SMURF1: variants seen among roughly 807,000 people sequenced by gnomAD.
SMURF1 encodes the protein E3 ubiquitin-protein ligase SMURF1.
In SMURF1, 44 loss-of-function variants were observed where a neutral mutation model predicts 98.0. The ratio of observed to expected loss-of-function variants is 0.45; its 90% CI spans 0.35 to 0.58. The LOEUF is 0.58. Ranked by LOEUF, SMURF1 falls within the 20% of genes least tolerant of loss-of-function variation. The probability of loss-of-function intolerance (pLI) is 0.00; values close to 1 mark genes in which losing one functional copy is unlikely to be tolerated. For missense variants in SMURF1, 687 were observed against 938.4 expected, an observed-to-expected ratio of 0.73 and a Z score of 3.50; for synonymous variants, 396 against 374.9, an observed-to-expected ratio of 1.06 and a Z score of -0.65.
At position 99,088,771 on chromosome 7, in the gene SMURF1, G is replaced by GT. The variant is rs149505668; in HGVS notation, c.56-26935dup. Reference sequence around the variant, plus strand: ...TTTGGATATATAGTAAGGATGTATTGTCAGAAATCAGTGCCTGTAAATCAG... The same window carrying GT: ...TTTGGATATATAGTAAGGATGTATTGTTCAGAAATCAGTGCCTGTAAATCAG... On this transcript the variant is annotated intron_variant, in intron 1 of 17. Coordinates refer to ENST00000361368, the MANE Select transcript of SMURF1 (RefSeq NM_181349.3). 6.9e-4 allele frequency among the ~76,000 whole-genome samples: 105 copies of GT among 152,296 alleles called. 3 individuals are homozygous for GT. The East Asian group carries it at 0.019, about 27-fold the overall frequency.
intron 1 of SMURF1, among the ~76,000 whole-genome samples, chr7:99,131,583 A>G (rs1797872980): frequency 6.6e-6 from 1 of 152,154 alleles, no homozygotes; most frequent in African/African-American, 2.4e-5. Flanking sequence ...GTCTCTACAA[A>G]AAGTTTAAAA....
intron 1 of SMURF1, among the ~76,000 whole-genome samples, chr7:99,099,623 T>C (rs2150587923): frequency 6.6e-6 from 1 of 152,194 alleles, no homozygotes; most frequent in South Asian, 2.1e-4. Context: ...GTGGGGCCTA[T>C]GGGCCTACTG....
intron 14 of SMURF1, 23 bp downstream of exon 14, chr7:99,038,365 C>T: frequency 1.2e-6 from 2 of 1,611,300 alleles, no homozygotes; most frequent in East Asian, 2.2e-5. Flanking sequence ...AGGCACCTGG[C>T]CGTCCCCGAC....
chr7:99,089,143 G>A (rs1796748277), intron 1 of SMURF1, among the ~76,000 whole-genome samples: 1 of 151,096 alleles, frequency 6.6e-6, no homozygotes, highest in Admixed American at 6.6e-5. Context: ...GGCGGAGGTT[G>A]CAGTGAGCCA....
intron 16 of SMURF1, among the ~76,000 whole-genome samples, chr7:99,034,487 T>G (rs1385956610): frequency 1.3e-5 from 2 of 152,130 alleles, no homozygotes; most frequent in Non-Finnish European, 2.9e-5. Context: ...GCCTCCCCAC[T>G]CACACCTCCT....
chr7:99,044,982 T>C (rs1334372537), intron 11 of SMURF1, among the ~76,000 whole-genome samples: 1 of 151,832 alleles, frequency 6.6e-6, no homozygotes, highest in Non-Finnish European at 1.5e-5. Flanking sequence ...CAAAAAACTT[T>C]TTAAAAATTA....
intron 15 of SMURF1, chr7:99,035,998 C>T (rs1366839421): frequency 4.5e-5 from 20 of 448,706 alleles, no homozygotes; most frequent in Non-Finnish European, 7.0e-5. Flanking sequence ...TGCTCTGCAT[C>T]GGTGAGGAGT....
At position 99,028,606 on chromosome 7, in the gene SMURF1, A is replaced by AGTT. The variant is rs1794778895; in HGVS notation, c.*1975_*1977dup. The AGTT allele has an allele frequency of 6.6e-6, 1 of 152,250 alleles. No individual in the cohort carries two copies. The highest frequency in any genetic ancestry group is 2.4e-5 in the African/African-American group (1 of 41,470). The allele number at this position is 152,250 out of a possible 1,614,324, so 9.4% of individuals were successfully genotyped here. ...CGACTCCTCCCAACAGCAAAAAGGTAGTTTTAAAGGCGTCAAATGCAACAT... is the reference window on the plus strand; with the variant it reads ...CGACTCCTCCCAACAGCAAAAAGGTAGTTGTTTTAAAGGCGTCAAATGCAACAT... On this transcript the variant is annotated 3_prime_UTR_variant, in exon 18 of 18. Transcript: ENST00000361368.
intron 1 of SMURF1, among the ~76,000 whole-genome samples, chr7:99,106,093 A>G (rs1797188694): frequency 6.6e-6 from 1 of 152,138 alleles, no homozygotes; most frequent in Admixed American, 6.6e-5. Context: ...TCACCATTCC[A>G]TCTTTCCCTT....
intron 1 of SMURF1, among the ~76,000 whole-genome samples, chr7:99,063,239 A>ATT (rs1563012538): frequency 0.052 from 536 of 10,260 alleles, 79 homozygotes; most frequent in Non-Finnish European, 0.14. Context: ...TATAAGATTT[A>ATT]TTTATATATA....
At chr7:99,051,173 G>A (rs1234465796) in intron 8 of SMURF1, among the ~76,000 whole-genome samples, 184 bp downstream of exon 8, 4 of 152,262 alleles carry the variant, frequency 2.6e-5, no homozygotes, top group South Asian at 2.1e-4. Flanking sequence ...AATGACTCAC[G>A]TTTCAAATGT....
At chr7:99,108,842 A>G (rs548557846) in intron 1 of SMURF1, among the ~76,000 whole-genome samples, 1 of 152,208 alleles carries the variant, frequency 6.6e-6, no homozygotes, top group African/African-American at 2.4e-5. Flanking sequence ...CAGTATTGAC[A>G]AGAGTAACAA....
chr7:99,052,987 G>A (rs1795797199), intron 6 of SMURF1, among the ~76,000 whole-genome samples: 1 of 152,160 alleles, frequency 6.6e-6, no homozygotes, highest in Non-Finnish European at 1.5e-5. Flanking sequence ...AACCCAGGAG[G>A]CAGAGGTTGC....
chr7:99,063,306 A>T (rs79476045), intron 1 of SMURF1, among the ~76,000 whole-genome samples: 3,161 of 25,610 alleles, frequency 0.12, 404 homozygotes, highest in East Asian at 0.23. Context: ...TATATATATA[A>T]AAAGAGACAG....
chr7:99,099,209 C>CTTTT (rs57973305), intron 1 of SMURF1, among the ~76,000 whole-genome samples: 4 of 129,460 alleles, frequency 3.1e-5, no homozygotes, highest in African/African-American at 1.2e-4. Context: ...AACACTACTA[C>CTTTT]TTTTTTTTTT....
chr7:99,061,678 G>T lies in SMURF1; in HGVS notation c.94+121C>A. The T allele has an allele frequency of 9.6e-6, 6 of 626,862 alleles. No individual in the cohort carries two copies. In the South Asian group the frequency reaches 1.9e-4, roughly 20 times the overall value. 38.8% of individuals were successfully genotyped at this position (626,862 alleles called of 1,614,324 possible). ...GGGAAATAAAGCTTGGAGAACCATGGATTTCTATTAAGTAAAGGGCAAAAC... is the reference window on the plus strand; with the variant it reads ...GGGAAATAAAGCTTGGAGAACCATGTATTTCTATTAAGTAAAGGGCAAAAC... On this transcript the variant is annotated intron_variant, in intron 2 of 17. Coordinates refer to ENST00000361368, the MANE Select transcript of SMURF1 (RefSeq NM_181349.3).
intron 1 of SMURF1, among the ~76,000 whole-genome samples, chr7:99,143,265 C>G (rs1219110499): frequency 2.8e-5 from 1 of 35,508 alleles, no homozygotes; most frequent in Non-Finnish European, 5.8e-5. Context: ...GGGGCGGGGC[C>G]TGGGGGGAGA....
chr7:99,124,560 C>T (rs2150629482), intron 1 of SMURF1, among the ~76,000 whole-genome samples: 1 of 152,258 alleles, frequency 6.6e-6, no homozygotes, highest in African/African-American at 2.4e-5. Flanking sequence ...GAACAGTTCC[C>T]TTCTGTGCAC....
At chr7:99,125,165 A>G (rs1797718490) in intron 1 of SMURF1, among the ~76,000 whole-genome samples, 1 of 152,104 alleles carries the variant, frequency 6.6e-6, no homozygotes, top group South Asian at 2.1e-4. Flanking sequence ...TGCAGCCTCA[A>G]ACTCCTGGGT....
Sources: allele counts gnomAD v4.1 joint callset (sites outside exome capture counted in the v4.1 genomes callset), GRCh38; gene constraint gnomAD v4.1.1; transcripts MANE v1.5; gene names NCBI Gene and HGNC (gene_info 2026-07-23, HGNC 2026-07-21).